Variants in SGCD observed in about 807,000 individuals in gnomAD.
SGCD encodes the protein sarcoglycan delta, also known as delta-sarcoglycan.
SGCD carries 18 observed loss-of-function variants against 36.6 expected under a neutral mutation model. That is an observed-to-expected ratio of 0.49 (90% CI 0.34 to 0.73). The LOEUF is 0.73. Among genes scored for constraint, SGCD ranks in the 30% least tolerant of loss-of-function variants. The probability of loss-of-function intolerance (pLI) is 0.01; values close to 1 mark genes in which losing one functional copy is unlikely to be tolerated. For missense variants in SGCD, 387 were observed against 346.7 expected (o/e 1.12, Z -0.92); for synonymous variants, 133 against 130.6 (o/e 1.02, Z -0.12).
intron 3 of SGCD, among the ~76,000 whole-genome samples, chr5:156,388,150 G>A (rs1185362129): frequency 6.6e-6 from 1 of 152,104 alleles, no homozygotes; most frequent in Non-Finnish European, 1.5e-5. Context: ...ATTTTTTGTT[G>A]ACACCACCAC....
intron 1 of SGCD, among the ~76,000 whole-genome samples, chr5:155,886,507 CGT>C (rs1580971444): frequency 1.3e-5 from 2 of 150,624 alleles, no homozygotes; most frequent in Non-Finnish European, 2.9e-5. Flanking sequence ...CGCACGCGCG[CGT>C]GCGTGTGTGT....
At chr5:155,873,016 C>A (rs549139922) in intron 1 of SGCD, among the ~76,000 whole-genome samples, 30 of 152,280 alleles carry the variant, frequency 2.0e-4, no homozygotes, top group African/African-American at 7.0e-4. Context: ...GAACTTGCAG[C>A]TTCATCAGAG....
intron 1 of SGCD, among the ~76,000 whole-genome samples, chr5:156,047,199 A>C (rs957559737): frequency 6.6e-6 from 1 of 152,192 alleles, no homozygotes; most frequent in African/African-American, 2.4e-5. Flanking sequence ...ATGAAGTTTA[A>C]AGAAAGAAAC....
intron 1 of SGCD, among the ~76,000 whole-genome samples, chr5:156,329,239 AG>A (rs1767956258): frequency 6.6e-6 from 1 of 152,270 alleles, no homozygotes; most frequent in East Asian, 1.9e-4. Context: ...CTGGGCAGTG[AG>A]GGTGGAGGGA....
At chr5:156,135,041 A>G (rs1285419942) in intron 3 of SGCD, among the ~76,000 whole-genome samples, 1 of 152,116 alleles carries the variant, frequency 6.6e-6, no homozygotes, top group Non-Finnish European at 1.5e-5. Context: ...CAAGGCAACA[A>G]TTCTTGTTTT....
intron 1 of SGCD, among the ~76,000 whole-genome samples, chr5:156,023,412 G>T (rs780379462): frequency 3.3e-5 from 5 of 152,208 alleles, no homozygotes; most frequent in Non-Finnish European, 5.9e-5. Context: ...TAGAGTATGG[G>T]CTCTGAGAGT....
chr5:155,833,053 CGAAAAAAAAAAAAAA>C, the SGCD span, among the ~76,000 whole-genome samples: 4 of 90,336 alleles, frequency 4.4e-5, no homozygotes, highest in Admixed American at 6.2e-4. Flanking sequence ...ACTAAAAATA[CGAAAAAAAAAAAAAA>C]AAAGAAAAAA....
chr5:155,960,267 C>T (rs1044571266), intron 1 of SGCD, among the ~76,000 whole-genome samples: 2 of 152,080 alleles, frequency 1.3e-5, no homozygotes, highest in African/African-American at 4.8e-5. Flanking sequence ...CTAGGCCCTG[C>T]TACTCTGTTG....
chr5:155,961,423 A>C (rs1478787655), intron 1 of SGCD, among the ~76,000 whole-genome samples: 1 of 152,152 alleles, frequency 6.6e-6, no homozygotes, highest in Non-Finnish European at 1.5e-5. Flanking sequence ...ATGGGAAATA[A>C]TTTTAAATGT....
intron 6 of SGCD, among the ~76,000 whole-genome samples, chr5:156,602,475 T>A (rs1454158391): frequency 6.6e-6 from 1 of 152,206 alleles, no homozygotes; most frequent in East Asian, 1.9e-4. Flanking sequence ...TTTCTCTGGC[T>A]ACAACTTCCT....
chr5:156,259,016 A>G (rs1035405957), intron 3 of SGCD, among the ~76,000 whole-genome samples: 1 of 152,104 alleles, frequency 6.6e-6, no homozygotes, highest in East Asian at 1.9e-4. Context: ...AAACACTTAT[A>G]AGAAACTGGC....
intron 2 of SGCD, among the ~76,000 whole-genome samples, chr5:156,331,817 T>C (rs1024045759): frequency 3.3e-5 from 5 of 152,188 alleles, no homozygotes; most frequent in African/African-American, 1.2e-4. Context: ...GTTGTGATAT[T>C]GGCACTGTGT....
At chr5:156,061,021 T>G (rs1245840399) in intron 1 of SGCD, among the ~76,000 whole-genome samples, 1 of 145,252 alleles carries the variant, frequency 6.9e-6, no homozygotes, top group Non-Finnish European at 1.5e-5. Context: ...AAAAATTGAT[T>G]TAAAAATCTA....
At position 156,453,949 on chromosome 5, in the gene SGCD, C is replaced by A. The variant is rs148563610; in HGVS notation, c.193-54652C>A. Among the ~76,000 whole-genome samples, 226 of 152,148 alleles carry A rather than the reference C, an allele frequency of 1.5e-3. 2 individuals are homozygous for A. The highest frequency in any genetic ancestry group is 5.2e-3 in the African/African-American group (214 of 41,498). ...AAAACAGACCAGCAGTTGCTTGGGG[C>A]CAATGGTGATGGGAGAGAATGTATT... On this transcript the variant is annotated intron_variant, in intron 3 of 8. Coordinates refer to ENST00000337851, the MANE Select transcript of SGCD (RefSeq NM_000337.6).
At chr5:156,269,637 A>G (rs1276157428) in intron 3 of SGCD, among the ~76,000 whole-genome samples, 1 of 152,064 alleles carries the variant, frequency 6.6e-6, no homozygotes, top group African/African-American at 2.4e-5. Flanking sequence ...GTACAATATA[A>G]GTTGAGATTT....
intron 2 of SGCD, among the ~76,000 whole-genome samples, chr5:156,341,424 T>A (rs991074461): frequency 2.0e-5 from 3 of 152,194 alleles, no homozygotes; most frequent in Non-Finnish European, 4.4e-5. Flanking sequence ...AAAGCCATTT[T>A]TTAGATGTTG....
intron 1 of SGCD, among the ~76,000 whole-genome samples, chr5:155,993,154 T>C (rs1241141838): frequency 6.6e-6 from 1 of 152,058 alleles, no homozygotes; most frequent in Non-Finnish European, 1.5e-5. Flanking sequence ...CTTGCTCCCA[T>C]TTTCCCTTCA....
intron 4 of SGCD, among the ~76,000 whole-genome samples, chr5:156,555,299 C>T (rs1461463802): frequency 6.6e-6 from 1 of 152,066 alleles, no homozygotes; most frequent in African/African-American, 2.4e-5. Flanking sequence ...TTGCCTAATC[C>T]AATGGCAAGC....
intron 1 of SGCD, among the ~76,000 whole-genome samples, chr5:156,056,148 A>G (rs1227718597): frequency 1.4e-5 from 2 of 146,020 alleles, no homozygotes; most frequent in African/African-American, 2.5e-5. Context: ...AATTATAACA[A>G]TGACAGAGAT....
Sources: allele counts gnomAD v4.1 joint callset (sites outside exome capture counted in the v4.1 genomes callset), GRCh38; gene constraint gnomAD v4.1.1; transcripts MANE v1.5; gene names NCBI Gene and HGNC (gene_info 2026-07-23, HGNC 2026-07-21).